The following LARGE1 variants were observed in gnomAD, a reference collection of about 807,000 sequenced individuals.
The protein encoded by LARGE1 is xylosyl- and glucuronyltransferase LARGE1.
In LARGE1, 43 loss-of-function variants were observed where a neutral mutation model predicts 87.6. That is an observed-to-expected ratio of 0.49 (90% CI 0.38 to 0.63). The LOEUF (loss-of-function observed/expected upper bound fraction) is 0.63, where lower values mean the gene tolerates loss of function less well. Ranked by LOEUF, LARGE1 falls within the 30% of genes least tolerant of loss-of-function variation. LARGE1 has a pLI of 0.00. For missense variants in LARGE1, 802 were observed against 1,000.2 expected, an observed-to-expected ratio of 0.80 and a Z score of 2.67; for synonymous variants, 434 against 394.6, an observed-to-expected ratio of 1.10 and a Z score of -1.18.
At chr22:33,902,260 A>G (rs2065304207) in intron 1 of LARGE1, among the ~76,000 whole-genome samples, 1 of 152,206 alleles carries the variant, frequency 6.6e-6, no homozygotes, top group African/African-American at 2.4e-5. Context: ...TGGCGTGCCC[A>G]GCAGAGCTCT....
At chr22:33,289,803 G>C (rs900804988) in intron 12 of LARGE1, among the ~76,000 whole-genome samples, 2 of 152,032 alleles carry the variant, frequency 1.3e-5, no homozygotes, top group African/African-American at 4.8e-5. Context: ...TTTGATAAAG[G>C]TTATCCTCCA....
chr22:33,278,220 G>C (rs189243064), intron 13 of LARGE1, among the ~76,000 whole-genome samples: 2 of 152,256 alleles, frequency 1.3e-5, no homozygotes, highest in Admixed American at 1.3e-4. Context: ...GCAGTCCCTG[G>C]CCAAAAGCCA....
the LARGE1 span, among the ~76,000 whole-genome samples, chr22:33,141,323 A>T: frequency 6.6e-6 from 1 of 152,178 alleles, no homozygotes; most frequent in Non-Finnish European, 1.5e-5. Context: ...ACAAACTTCA[A>T]TGTTCCTTGT....
rs537075504 is a variant in LARGE1 at position 33,700,159 on chromosome 22, G to A, written c.107-49491C>T. Among the ~76,000 whole-genome samples the A allele has an allele frequency of 1.5e-4, 23 of 152,252 alleles. 2 individuals carry two copies. Among genetic ancestry groups the A allele is most frequent in the African/African-American group, 3.1e-4 (13 of 41,546 alleles). ...AGTGGTTCTCAAAGGGTTGTCCTGG[G>A]AACAGCAGCATCACCTACACAGTAG... On this transcript the variant is annotated intron_variant, in intron 2 of 14. Transcript: ENST00000397394.
intron 1 of LARGE1, among the ~76,000 whole-genome samples, chr22:33,814,032 G>A (rs920641465): frequency 2.6e-5 from 4 of 152,084 alleles, no homozygotes; most frequent in African/African-American, 9.7e-5. Context: ...GTTAACTTAC[G>A]TATCTCGATG....
intron 6 of LARGE1, among the ~76,000 whole-genome samples, chr22:33,544,015 C>T (rs1005258485): frequency 1.3e-5 from 2 of 152,232 alleles, no homozygotes; most frequent in African/African-American, 2.4e-5. Context: ...AGAATGTCCA[C>T]ATAACCAGCC....
At chr22:33,911,501 C>G (rs915817701) in intron 1 of LARGE1, among the ~76,000 whole-genome samples, 1 of 152,172 alleles carries the variant, frequency 6.6e-6, no homozygotes, top group African/African-American at 2.4e-5. Flanking sequence ...CATTCTCCCA[C>G]GTCCACTTCA....
intron 6 of LARGE1, among the ~76,000 whole-genome samples, chr22:33,512,952 A>T (rs529437421): frequency 1.7e-4 from 26 of 152,196 alleles, no homozygotes; most frequent in Admixed American, 1.4e-3. Flanking sequence ...TGTTTTTTTT[A>T]AATTGTTTTT....
the LARGE1 span, among the ~76,000 whole-genome samples, chr22:33,104,889 C>CTTTCTTTCTTTCTTTCTTTCTTTT: frequency 3.4e-5 from 3 of 89,148 alleles, no homozygotes; most frequent in Non-Finnish European, 5.2e-5. Flanking sequence ...GACTTTCTCT[C>CTTTCTTTCTTTCTTTCTTTCTTTT]TCTTTCTTTC....
the LARGE1 span, among the ~76,000 whole-genome samples, chr22:33,076,762 T>C: frequency 1.1e-4 from 16 of 152,356 alleles, no homozygotes; most frequent in African/African-American, 3.6e-4. Flanking sequence ...ATAAGCCATA[T>C]AGCTATAGAA....
chr22:33,686,313 G>A (rs934704947), intron 2 of LARGE1, among the ~76,000 whole-genome samples: 6 of 151,518 alleles, frequency 4.0e-5, no homozygotes, highest in African/African-American at 7.3e-5. Context: ...CCCCTGGTTC[G>A]AACCCCTGTT....
chr22:33,811,975 A>G (rs2086510874), intron 1 of LARGE1, among the ~76,000 whole-genome samples: 1 of 152,216 alleles, frequency 6.6e-6, no homozygotes, highest in Non-Finnish European at 1.5e-5. Flanking sequence ...TGACCTAAGT[A>G]AGAGAGGAAC....
At chr22:33,624,682 C>A (rs1296154380) in intron 4 of LARGE1, among the ~76,000 whole-genome samples, 1 of 152,136 alleles carries the variant, frequency 6.6e-6, no homozygotes, top group Non-Finnish European at 1.5e-5. Context: ...GTCTTTGTGC[C>A]ATGGTAAAAG....
At chr22:33,187,121 C>T (rs1460338186) in intron 11 of LARGE1, among the ~76,000 whole-genome samples, 2 of 152,160 alleles carry the variant, frequency 1.3e-5, no homozygotes, top group African/African-American at 4.8e-5. Context: ...CCATATGATC[C>T]AGCAGTCCCA....
At chr22:33,581,916 T>C (rs537673772) in intron 5 of LARGE1, among the ~76,000 whole-genome samples, 29 of 152,150 alleles carry the variant, frequency 1.9e-4, no homozygotes, top group African/African-American at 6.0e-4. Context: ...AGATACATCT[T>C]AAAGCTTCAC....
intron 11 of LARGE1, among the ~76,000 whole-genome samples, chr22:33,232,238 A>T (rs764823903): frequency 7.1e-4 from 108 of 152,354 alleles, no homozygotes; most frequent in Non-Finnish European, 1.2e-3. Context: ...AAGCCTAAAG[A>T]TCTGTGCCAA....
intron 6 of LARGE1, among the ~76,000 whole-genome samples, chr22:33,468,441 A>G (rs2068703574): frequency 6.6e-6 from 1 of 152,104 alleles, no homozygotes; most frequent in Admixed American, 6.5e-5. Flanking sequence ...ATCTCCTTTT[A>G]AAAACACAAA....
At chr22:33,734,675 G>A (rs1601464982) in intron 2 of LARGE1, among the ~76,000 whole-genome samples, 1 of 152,050 alleles carries the variant, frequency 6.6e-6, no homozygotes, top group South Asian at 2.1e-4. Flanking sequence ...GAGGAGTTTG[G>A]GGTTCATGCT....
At chr22:33,562,834 T>C (rs2148770601) in intron 6 of LARGE1, 1 of 152,720 alleles carries the variant, frequency 6.5e-6, no homozygotes, top group South Asian at 2.1e-4. Flanking sequence ...ATGGTGGTTA[T>C]ACTTATCCAA....
Sources: allele counts gnomAD v4.1 joint callset (sites outside exome capture counted in the v4.1 genomes callset), GRCh38; gene constraint gnomAD v4.1.1; transcripts MANE v1.5; gene names NCBI Gene and HGNC (gene_info 2026-07-23, HGNC 2026-07-21).